Variants in SUSD4 observed in about 807,000 individuals in gnomAD.
SUSD4 encodes the protein sushi domain-containing protein 4.
A neutral mutation model predicts 50.5 loss-of-function variants in SUSD4; 41 were observed. The ratio of observed to expected loss-of-function variants is 0.81; its 90% CI spans 0.63 to 1.05. The LOEUF is 1.05. SUSD4 is among the 50% of genes least tolerant of loss of function. The pLI, the probability that SUSD4 is intolerant of heterozygous loss-of-function variation, is 0.00. For synonymous variants in SUSD4, 257 were observed against 257.3 expected (o/e 1.00, Z 0.01); for missense variants, 580 against 634.7 (o/e 0.91, Z 0.93).
chr1:223,256,266 G>A (rs1049476130), intron 5 of SUSD4, among the ~76,000 whole-genome samples: 8 of 152,158 alleles, frequency 5.3e-5, no homozygotes, highest in African/African-American at 1.7e-4. Flanking sequence ...TCTCTCCCAC[G>A]GAAGGCAGTG....
Position 223,309,920 on chromosome 1 carries a change from T to C in SUSD4, c.149-17269A>G, listed in dbSNP as rs527717338. Among the ~76,000 whole-genome samples, 8 of 152,186 alleles carry C rather than the reference T, an allele frequency of 5.3e-5. No homozygotes were observed. In the East Asian group the frequency reaches 1.2e-3, roughly 22 times the overall value. On this transcript the variant is annotated intron_variant, in intron 2 of 8. Transcript: ENST00000366878. The stretch of plus-strand genomic sequence containing the variant: ...GGGTTCCACATCAAATCCACTGGAG[T>C]TGTGTCTCTGAGTTCTAACATCTGG...
intron 2 of SUSD4, among the ~76,000 whole-genome samples, chr1:223,351,881 G>A (rs1305119155): frequency 2.0e-5 from 3 of 152,034 alleles, no homozygotes; most frequent in Non-Finnish European, 4.4e-5. Context: ...ACAGTCTTTT[G>A]CATTTCCATG....
chr1:223,282,532 G>A (rs1023181438), intron 3 of SUSD4, among the ~76,000 whole-genome samples: 9 of 152,130 alleles, frequency 5.9e-5, no homozygotes, highest in African/African-American at 1.9e-4. Flanking sequence ...CAACTTACAA[G>A]GGATGTGAAG....
rs144425605 is a variant in SUSD4 at position 223,306,156 on chromosome 1, C to T, written c.149-13505G>A. On this transcript the variant is annotated intron_variant, in intron 2 of 8. Transcript: ENST00000366878. ...TATTTTCCCCTCTCTTGATTTAATT[C>T]GCTTTGATTACCCAATTATTCCTAA... is the stretch of plus-strand genomic sequence containing the variant. 1.3e-3 allele frequency among the ~76,000 whole-genome samples: 196 copies of T among 152,260 alleles called. 3 individuals are homozygous for T. In the East Asian group the frequency reaches 0.028, roughly 21 times the overall value.
intron 3 of SUSD4, among the ~76,000 whole-genome samples, chr1:223,285,660 A>T (rs1274795955): frequency 6.6e-6 from 1 of 152,258 alleles, no homozygotes; most frequent in Non-Finnish European, 1.5e-5. Context: ...CTATGCAGCC[A>T]TAAAAAAGAA....
At chr1:223,322,566 A>T in intron 2 of SUSD4, among the ~76,000 whole-genome samples, 1 of 152,190 alleles carries the variant, frequency 6.6e-6, no homozygotes, top group East Asian at 1.9e-4. Flanking sequence ...ATAAGATAAG[A>T]GGTGGCAAAT....
intron 3 of SUSD4, among the ~76,000 whole-genome samples, chr1:223,281,094 A>C (rs1663690103): frequency 6.6e-6 from 1 of 152,260 alleles, no homozygotes; most frequent in Non-Finnish European, 1.5e-5. Flanking sequence ...AGCAGTGTGT[A>C]GAGGGAAATT....
chr1:223,246,678 G>A (rs922342132), intron 5 of SUSD4, among the ~76,000 whole-genome samples: 1 of 152,110 alleles, frequency 6.6e-6, no homozygotes, highest in Non-Finnish European at 1.5e-5. Flanking sequence ...TCAGCAGATC[G>A]GTGGCCAGGG....
chr1:223,263,692 C>A (rs887817530), intron 5 of SUSD4: 2 of 985,418 alleles, frequency 2.0e-6, no homozygotes, highest in Non-Finnish European at 2.4e-6. Context: ...CGTCTCTGAT[C>A]CTTCTGAGCA....
intron 5 of SUSD4, among the ~76,000 whole-genome samples, chr1:223,253,069 T>C (rs963702767): frequency 2.0e-5 from 3 of 150,598 alleles, no homozygotes; most frequent in African/African-American, 7.3e-5. Flanking sequence ...CCAGCCTGGG[T>C]GAGACAGAGT....
rs1364407476 is a variant in SUSD4 at position 223,332,499 on chromosome 1, T to C, written c.148+30779A>G. Among the ~76,000 whole-genome samples, 3 of 152,214 alleles carry C rather than the reference T, an allele frequency of 2.0e-5. No homozygotes were observed. The highest frequency in any genetic ancestry group is 1.9e-4 in the East Asian group (1 of 5,198). The stretch of plus-strand genomic sequence containing the variant: ...ACCTAACACCAGCTTTCCTAGTTCA[T>C]TGCACAGAGATATATAAAGTTTCTT... On this transcript the variant is annotated intron_variant, in intron 2 of 8. Transcript: ENST00000366878. The surrounding 1 kb of genome is among the most constrained non-coding windows in gnomAD (Gnocchi z 4.0).
intron 2 of SUSD4, among the ~76,000 whole-genome samples, chr1:223,297,081 T>C (rs1270258074): frequency 6.6e-6 from 1 of 152,166 alleles, no homozygotes; most frequent in Non-Finnish European, 1.5e-5. Flanking sequence ...GACAGCCACA[T>C]CAATGTGACC....
intron 5 of SUSD4, among the ~76,000 whole-genome samples, chr1:223,254,755 A>T (rs1310594745): frequency 6.6e-6 from 1 of 152,206 alleles, no homozygotes; most frequent in Non-Finnish European, 1.5e-5. Flanking sequence ...TATGAGAGAG[A>T]TGTGTGACCA....
intron 5 of SUSD4, among the ~76,000 whole-genome samples, chr1:223,259,250 T>A (rs567278197): frequency 6.6e-6 from 1 of 152,340 alleles, no homozygotes; most frequent in East Asian, 1.9e-4. Context: ...TGGTTTCTTT[T>A]AAACTCTAAT....
chr1:223,324,905 C>T (rs1447240903), intron 2 of SUSD4, among the ~76,000 whole-genome samples: 3 of 152,044 alleles, frequency 2.0e-5, no homozygotes, highest in Non-Finnish European at 4.4e-5. Flanking sequence ...CACGTACTCA[C>T]ATTTCCCCCA....
At position 223,229,338 on chromosome 1, in the gene SUSD4, G is replaced by A. The variant is rs765867041; in HGVS notation, c.775C>T (p.Arg259Trp). The A allele has an allele frequency of 1.6e-5, 25 of 1,607,776 alleles. No homozygotes were observed. Among genetic ancestry groups the A allele is most frequent in the Admixed American group, 1.0e-4 (6 of 59,920 alleles). The stretch of plus-strand genomic sequence containing the variant: ...CCGTGGTTGTAGCGCTCACAAGGCC[G>A]CGGGTGGCAGACGAAATCTCCGTGA... ...VSHGDFVCHP[R>W]PCERYNHGTV... The change falls in exon 6 of 9, where the codon CGG becomes TGG. Residue 259 changes from arginine (R) to tryptophan (W), a missense_variant. Transcript: ENST00000366878. This position sits in a 1 kb window ranked among gnomAD's most constrained non-coding sequence, Gnocchi z 4.7.
intron 2 of SUSD4, among the ~76,000 whole-genome samples, chr1:223,354,449 A>T (rs1668546281): frequency 6.6e-6 from 1 of 152,230 alleles, no homozygotes; most frequent in Non-Finnish European, 1.5e-5. Context: ...AAATCTGGGC[A>T]AGCCTTTTAA....
rs527301815 is a variant in SUSD4 at position 223,229,691 on chromosome 1, G to T, written c.725-303C>A. 3.3e-5 allele frequency among the ~76,000 whole-genome samples: 5 copies of T among 152,292 alleles called. No homozygotes were observed. Among genetic ancestry groups the T allele is most frequent in the African/African-American group, 1.2e-4 (5 of 41,554 alleles). ...ATTTAATAGAGAGTATTAAGCTACT[G>T]TATTAATAATGCATGCTATTATGTG... On this transcript the variant is annotated intron_variant, in intron 5 of 8. Coordinates refer to ENST00000366878, the MANE Select transcript of SUSD4 (RefSeq NM_017982.4). The surrounding 1 kb of genome is among the most constrained non-coding windows in gnomAD (Gnocchi z 4.7).
chr1:223,317,471 T>C (rs1280540463), intron 2 of SUSD4, among the ~76,000 whole-genome samples: 1 of 152,218 alleles, frequency 6.6e-6, no homozygotes, highest in Non-Finnish European at 1.5e-5. Flanking sequence ...TCTCCCTGAA[T>C]TCTTTCTTGC....
Sources: allele counts gnomAD v4.1 joint callset (sites outside exome capture counted in the v4.1 genomes callset), GRCh38; gene constraint gnomAD v4.1.1; non-coding constraint Gnocchi (gnomAD v3.1); transcripts MANE v1.5; gene names NCBI Gene and HGNC (gene_info 2026-07-23, HGNC 2026-07-21).